The following DNAH9 variants were observed in gnomAD, a reference collection of about 807,000 sequenced individuals.
DNAH9 encodes the protein dynein axonemal heavy chain 9.
A neutral mutation model predicts 471.6 loss-of-function variants in DNAH9; 345 were observed. That is an observed-to-expected ratio of 0.73 (90% CI 0.67 to 0.80). DNAH9 has a LOEUF of 0.80. Among genes scored for constraint, DNAH9 ranks in the 30% least tolerant of loss-of-function variants. DNAH9 has a pLI of 0.00. For synonymous variants in DNAH9, 2,093 were observed against 2,123.6 expected (o/e 0.99, Z 0.40); for missense variants, 5,407 against 5,609.2 (o/e 0.96, Z 1.15).
intron 61 of DNAH9, 118 bp from the exon 62 acceptor site, chr17:11,923,696 A>G: frequency 7.8e-7 from 1 of 1,274,076 alleles, no homozygotes; most frequent in Non-Finnish European, 1.1e-6. Flanking sequence ...GGTTTCGGTT[A>G]TAGATTTGGG....
At chr17:11,609,432 G>T (rs2072581590) in intron 2 of DNAH9, among the ~76,000 whole-genome samples, 1 of 152,108 alleles carries the variant, frequency 6.6e-6, no homozygotes, top group Admixed American at 6.6e-5. Context: ...TCTAATCATT[G>T]CTGAATTTAT....
chr17:11,956,327 C>T (rs946579911), intron 67 of DNAH9, among the ~76,000 whole-genome samples: 8 of 151,838 alleles, frequency 5.3e-5, no homozygotes, highest in African/African-American at 1.5e-4. Context: ...CATAACAAAG[C>T]GTCAAAATAC....
chr17:11,725,248 C>T (rs1356822510), intron 27 of DNAH9, among the ~76,000 whole-genome samples: 1 of 152,210 alleles, frequency 6.6e-6, no homozygotes, highest in Non-Finnish European at 1.5e-5. Flanking sequence ...AAACACAACG[C>T]CTGGAACTTC....
At chr17:11,952,563 G>C (rs1975425972) in intron 67 of DNAH9, among the ~76,000 whole-genome samples, 1 of 151,960 alleles carries the variant, frequency 6.6e-6, no homozygotes. Flanking sequence ...ATGTATTTGG[G>C]TCCTGTAATG....
At chr17:11,850,660 A>T (rs1441022867) in intron 49 of DNAH9, among the ~76,000 whole-genome samples, 2 of 151,748 alleles carry the variant, frequency 1.3e-5, no homozygotes, top group African/African-American at 4.8e-5. Flanking sequence ...CAAAAAAAAA[A>T]AAAAAAAGTT....
chr17:11,698,182 T>TATTAATAATAAATTATA (rs369729599), intron 22 of DNAH9, among the ~76,000 whole-genome samples: 1 of 120,350 alleles, frequency 8.3e-6, no homozygotes, highest in Non-Finnish European at 1.6e-5. Context: ...TAATATATTA[T>TATTAATAATAAATTATA]TATATTAATA....
chr17:11,883,328 C>T (rs1240011740), intron 55 of DNAH9, among the ~76,000 whole-genome samples: 1 of 152,164 alleles, frequency 6.6e-6, no homozygotes, highest in Non-Finnish European at 1.5e-5. Context: ...TTAAGCATAG[C>T]ACAGAAATCC....
At chr17:11,620,722 A>G (rs985767662) in intron 6 of DNAH9, among the ~76,000 whole-genome samples, 3 of 152,062 alleles carry the variant, frequency 2.0e-5, no homozygotes, top group African/African-American at 7.2e-5. Flanking sequence ...GCCTAGAAAG[A>G]CTGACACTGA....
chr17:11,904,969 C>T (rs1366831559), intron 60 of DNAH9, among the ~76,000 whole-genome samples: 1 of 152,002 alleles, frequency 6.6e-6, no homozygotes, highest in Non-Finnish European at 1.5e-5. Context: ...CGCGGTGGCT[C>T]ACACCTGTAA....
chr17:11,961,639 A>C (rs571216964), intron 67 of DNAH9, among the ~76,000 whole-genome samples: 1 of 152,342 alleles, frequency 6.6e-6, no homozygotes, highest in South Asian at 2.1e-4. Flanking sequence ...ACATCAGAGC[A>C]GGGAGGGTTT....
Position 11,932,270 on chromosome 17 carries a change from G to A in DNAH9, c.12297+65G>A. 1 of 1,530,372 alleles carries A rather than the reference G, an allele frequency of 6.5e-7. No homozygotes were observed. Among genetic ancestry groups the A allele is most frequent in the Non-Finnish European group, 8.9e-7 (1 of 1,124,522 alleles). The allele number at this position is 1,530,372 out of a possible 1,614,324, so 94.8% of individuals were successfully genotyped here. On this transcript the variant is annotated intron_variant, in intron 64 of 68. Transcript: ENST00000262442. This position sits in a 1 kb window ranked among gnomAD's most constrained non-coding sequence, Gnocchi z 4.3. ...GAGGGTTAAAATTATTTAATTTTGA[G>A]GGGTGAATCAGAGGGGTCTAGGATG...
intron 33 of DNAH9, among the ~76,000 whole-genome samples, chr17:11,756,274 CA>C (rs5819339): frequency 0.46 from 61,010 of 133,582 alleles, 13,865 homozygotes; most frequent in Admixed American, 0.53. Flanking sequence ...GAGACTCTGT[CA>C]AAAAAAAAAA....
chr17:11,829,996 C>A (rs765867693), intron 48 of DNAH9, among the ~76,000 whole-genome samples: 2 of 152,128 alleles, frequency 1.3e-5, no homozygotes, highest in Non-Finnish European at 2.9e-5. Flanking sequence ...CTCCCACAGG[C>A]CTGTTTCCCT....
intron 61 of DNAH9, among the ~76,000 whole-genome samples, chr17:11,909,668 A>G (rs952190527): frequency 2.6e-5 from 4 of 152,082 alleles, no homozygotes; most frequent in African/African-American, 9.7e-5. Context: ...TCCTCAATCA[A>G]TGAACATCCC....
rs528879323 is a variant in DNAH9, at chr17:11,952,420, A to C, written c.12844-9447A>C. On this transcript the variant is annotated intron_variant, in intron 67 of 68. Coordinates refer to ENST00000262442, the MANE Select transcript of DNAH9 (RefSeq NM_001372.4). ...GTGCTCCTCCTGCCTTGGCTTCCCA[A>C]AGTGCTGAGATAATAGGCATGAGCC... Among the ~76,000 whole-genome samples the C allele has an allele frequency of 7.4e-4, 108 of 146,774 alleles. 1 individual carries two copies. The highest frequency in any genetic ancestry group is 2.5e-3 in the African/African-American group (101 of 39,844).
rs943395487 is a variant in DNAH9, at chr17:11,644,324, A to C, written c.1902-307A>C. Reference sequence around the variant, plus strand: ...TCATATCTCAATTTCCCTTTTATTCAGATTTTTGAAGGACCTCACATACCT... The same window carrying C: ...TCATATCTCAATTTCCCTTTTATTCCGATTTTTGAAGGACCTCACATACCT... On this transcript the variant is annotated intron_variant, in intron 10 of 68. Coordinates refer to ENST00000262442, the MANE Select transcript of DNAH9 (RefSeq NM_001372.4). Among the ~76,000 whole-genome samples the C allele has an allele frequency of 2.0e-5, 3 of 152,226 alleles. No homozygotes were observed. The East Asian group carries it at 5.8e-4, about 29-fold the overall frequency.
At chr17:11,877,383 G>A (rs1972536664) in intron 53 of DNAH9, among the ~76,000 whole-genome samples, 1 of 144,262 alleles carries the variant, frequency 6.9e-6, no homozygotes, top group Non-Finnish European at 1.5e-5. Context: ...TGAGGCAGGA[G>A]AATCTCTTGA....
At position 11,883,902 on chromosome 17, in the gene DNAH9, C is replaced by A. The variant is rs938406667; in HGVS notation, c.10971+152C>A. 1.3e-5 allele frequency: 11 copies of A among 836,632 alleles called. No individual in the cohort carries two copies. The East Asian group carries it at 2.4e-4, about 18-fold the overall frequency. The allele number at this position is 836,632 out of a possible 1,614,324, so 51.8% of individuals were successfully genotyped here. A position where few individuals can be genotyped will look rare whatever the true frequency, so the allele number is the denominator to read the frequency against. On this transcript the variant is annotated intron_variant, in intron 56 of 68. Transcript: ENST00000262442. ...AGCAAGGTTCTTCTAGAAAGTCTAC[C>A]TAGGCAGGACTCCTGAAGTGACTAC...
chr17:11,710,853 G>A (rs1272294012), intron 26 of DNAH9, among the ~76,000 whole-genome samples: 1 of 152,152 alleles, frequency 6.6e-6, no homozygotes, highest in Non-Finnish European at 1.5e-5. Flanking sequence ...AACATTTTCA[G>A]TTACCAGTGA....
Sources: gnomAD v4.1 joint callset for allele counts (sites outside exome capture counted in the v4.1 genomes callset) on GRCh38, gnomAD v4.1.1 for gene constraint, Gnocchi (gnomAD v3.1) non-coding constraint, MANE v1.5 for transcripts, NCBI Gene and HGNC (gene_info 2026-07-23, HGNC 2026-07-21) for gene names.